The following KIF16B variants were observed in gnomAD, a reference collection of about 807,000 sequenced individuals.
KIF16B encodes kinesin-like protein KIF16B.
Under a neutral mutation model 156.3 loss-of-function variants are expected in KIF16B, and 98 were observed. The ratio of observed to expected loss-of-function variants is 0.63; its 90% CI spans 0.53 to 0.74. The LOEUF is 0.74. Among genes scored for constraint, KIF16B ranks in the 30% least tolerant of loss-of-function variants. The pLI is 0.00. For synonymous variants in KIF16B, 564 were observed against 583.7 expected (o/e 0.97, Z 0.49); for missense variants, 1,421 against 1,606.5 (o/e 0.88, Z 1.97).
intron 24 of KIF16B, among the ~76,000 whole-genome samples, chr20:16,326,138 G>A (rs532352784): frequency 6.6e-6 from 1 of 151,964 alleles, no homozygotes; most frequent in African/African-American, 2.4e-5. Context: ...CATCCTATAT[G>A]CAAATCAACT....
intron 22 of KIF16B, chr20:16,367,774 C>T (rs2064711330): frequency 6.2e-7 from 1 of 1,612,622 alleles, no homozygotes. Flanking sequence ...ATGATTAGCG[C>T]AGGCAGCGGC....
At chr20:16,513,613 T>C (rs1469334631) in intron 4 of KIF16B, among the ~76,000 whole-genome samples, 1 of 146,200 alleles carries the variant, frequency 6.8e-6, no homozygotes, top group East Asian at 2.0e-4. Flanking sequence ...TGAGCCAAGA[T>C]TGCGCCATTG....
chr20:16,439,492 T>C (rs1413052474), intron 12 of KIF16B, among the ~76,000 whole-genome samples: 2 of 152,100 alleles, frequency 1.3e-5, no homozygotes, highest in Non-Finnish European at 2.9e-5. Context: ...GGCCTCCTCA[T>C]TCCCACTGCA....
chr20:16,331,069 A>T (rs2063939737), intron 24 of KIF16B, among the ~76,000 whole-genome samples: 1 of 152,196 alleles, frequency 6.6e-6, no homozygotes, highest in African/African-American at 2.4e-5. Context: ...CTTCCCAGGG[A>T]AACTGACGCT....
chr20:16,319,721 G>C (rs1156278859), intron 24 of KIF16B, among the ~76,000 whole-genome samples: 1 of 152,198 alleles, frequency 6.6e-6, no homozygotes, highest in Non-Finnish European at 1.5e-5. Context: ...AGGTCTCCAC[G>C]CTTTTGAGCG....
intron 17 of KIF16B, among the ~76,000 whole-genome samples, chr20:16,399,259 C>T (rs970833778): frequency 6.6e-6 from 1 of 152,100 alleles, no homozygotes; most frequent in African/African-American, 2.4e-5. Flanking sequence ...CAATGAGATG[C>T]AATGCATTGG....
chr20:16,284,304 G>C (rs1459602355), intron 25 of KIF16B, among the ~76,000 whole-genome samples: 1 of 152,162 alleles, frequency 6.6e-6, no homozygotes, highest in Non-Finnish European at 1.5e-5. Context: ...TTGCCACTCA[G>C]AACTTGCCAG....
At chr20:16,410,827 C>T (rs140329929) in intron 15 of KIF16B, among the ~76,000 whole-genome samples, 206 of 152,244 alleles carry the variant, frequency 1.4e-3, no homozygotes, top group African/African-American at 4.6e-3. Context: ...TTGCTTATCA[C>T]AGCAATTTTA....
chr20:16,409,948 CATAT>C (rs74175688), intron 15 of KIF16B, among the ~76,000 whole-genome samples: 2 of 54,950 alleles, frequency 3.6e-5, no homozygotes, highest in East Asian at 1.5e-3. Context: ...CACTTACCTA[CATAT>C]ATATATATAT....
intron 3 of KIF16B, among the ~76,000 whole-genome samples, chr20:16,524,726 C>T (rs2069475007): frequency 1.3e-5 from 2 of 152,096 alleles, no homozygotes; most frequent in Admixed American, 6.5e-5. Flanking sequence ...CACATGCACA[C>T]GTATGTTTAT....
chr20:16,469,906 A>G (rs1309525201), intron 12 of KIF16B, among the ~76,000 whole-genome samples: 1 of 152,200 alleles, frequency 6.6e-6, no homozygotes, highest in East Asian at 1.9e-4. Flanking sequence ...ATAATTGCCA[A>G]ATCGTGGAAG....
At chr20:16,296,904 A>G (rs1416136597) in intron 25 of KIF16B, among the ~76,000 whole-genome samples, 1 of 152,212 alleles carries the variant, frequency 6.6e-6, no homozygotes, top group Non-Finnish European at 1.5e-5. Context: ...TCCTACTGTG[A>G]GTGGGGGCCT....
rs1340299610 is a variant in KIF16B, at chr20:16,504,562, T to C, written c.1001-15A>G. On this transcript the variant is annotated splice_polypyrimidine_tract_variant and intron_variant, in intron 9 of 25. Coordinates refer to ENST00000354981, the MANE Select transcript of KIF16B (RefSeq NM_024704.5). ...AGGTGAAATGGCTGTGAAGAATGTATTCAAAAAATAATTTATCCAGCACTC... is the reference window on the plus strand; with the variant it reads ...AGGTGAAATGGCTGTGAAGAATGTACTCAAAAAATAATTTATCCAGCACTC... 1 of 1,607,688 alleles carries C rather than the reference T, an allele frequency of 6.2e-7. No individual in the cohort carries two copies. The highest frequency in any genetic ancestry group is 1.7e-5 in the Admixed American group (1 of 59,484).
chr20:16,351,943 C>A (rs1421752637), intron 23 of KIF16B, among the ~76,000 whole-genome samples: 1 of 152,164 alleles, frequency 6.6e-6, no homozygotes, highest in African/African-American at 2.4e-5. Context: ...TATAAAGAAA[C>A]AAATTACTGT....
At chr20:16,345,741 G>A (rs1481901969) in intron 23 of KIF16B, among the ~76,000 whole-genome samples, 1 of 152,234 alleles carries the variant, frequency 6.6e-6, no homozygotes, top group Non-Finnish European at 1.5e-5. Context: ...TAAAGGCTGA[G>A]CCAGTAGGCT....
In KIF16B at chr20:16,550,404, T is replaced by C. The variant is rs185536082; in HGVS notation, c.48-21964A>G. On this transcript the variant is annotated intron_variant, in intron 1 of 25. Transcript: ENST00000354981. ...AACACTATTACACTGTTGGTGGGACTGTAAACTAGTTCAACCATTGTGGAA... is the reference window on the plus strand; with the variant it reads ...AACACTATTACACTGTTGGTGGGACCGTAAACTAGTTCAACCATTGTGGAA... 4.2e-3 allele frequency among the ~76,000 whole-genome samples: 646 copies of C among 152,272 alleles called. 2 individuals are homozygous for C. Among genetic ancestry groups the C allele is most frequent in the African/African-American group, 0.015 (611 of 41,546 alleles).
Position 16,281,772 on chromosome 20 carries a change from G to A in KIF16B, c.3796-8361C>T, listed in dbSNP as rs369994793. Among the ~76,000 whole-genome samples, 246 of 152,110 alleles carry A rather than the reference G, an allele frequency of 1.6e-3. 9 individuals are homozygous for A. In the South Asian group the frequency reaches 0.046, roughly 28 times the overall value. On this transcript the variant is annotated intron_variant, in intron 25 of 25. Coordinates refer to ENST00000354981, the MANE Select transcript of KIF16B (RefSeq NM_024704.5). ...GTATTGAGCTGAATGAAACAGACAC[G>A]GTGCCTCCCCTCCTCCCCTCACAGG...
At chr20:16,442,700 C>T (rs564554562) in intron 12 of KIF16B, among the ~76,000 whole-genome samples, 31 of 152,176 alleles carry the variant, frequency 2.0e-4, no homozygotes, top group South Asian at 8.3e-4. Context: ...CCACCAGCAG[C>T]GGCAAAATGA....
chr20:16,452,891 C>T (rs990151232), intron 12 of KIF16B, among the ~76,000 whole-genome samples: 12 of 147,400 alleles, frequency 8.1e-5, no homozygotes, highest in Admixed American at 4.0e-4. Flanking sequence ...GGATGAAAAA[C>T]GAAGAAAAAA....
Sources: allele counts gnomAD v4.1 joint callset (sites outside exome capture counted in the v4.1 genomes callset), GRCh38; gene constraint gnomAD v4.1.1; transcripts MANE v1.5; gene names NCBI Gene and HGNC (gene_info 2026-07-23, HGNC 2026-07-21).